Variants in PPP4R1 observed in about 807,000 individuals in gnomAD.
The protein encoded by PPP4R1 is protein phosphatase 4 regulatory subunit 1, also known as serine/threonine-protein phosphatase 4 regulatory subunit 1.
In PPP4R1, 42 loss-of-function variants were observed where a neutral mutation model predicts 111.2. That is an observed-to-expected ratio of 0.38 (90% confidence interval 0.29 to 0.49). The LOEUF (loss-of-function observed/expected upper bound fraction) is 0.49. PPP4R1 is among the 20% of genes least tolerant of loss of function. The probability of loss-of-function intolerance (pLI) is 0.97; values close to 1 mark genes in which losing one functional copy is unlikely to be tolerated. For synonymous variants in PPP4R1, 409 were observed against 405.5 expected, an observed-to-expected ratio of 1.01 and a Z score of -0.10; for missense variants, 1,012 against 1,161.6, an observed-to-expected ratio of 0.87 and a Z score of 1.87.
rs748078048 is a variant in PPP4R1 at position 9,570,144 on chromosome 18, T to C, written c.1573+13A>G. On this transcript the variant is annotated intron_variant, in intron 11 of 19. Transcript: ENST00000400556. The stretch of plus-strand genomic sequence containing the variant: ...ATCAATTTCAGAATAAATAACTTGA[T>C]TGACTTCCATACCTTTAACATCTGG... 8.8e-6 allele frequency: 13 copies of C among 1,483,664 alleles called. No homozygotes were observed. The highest frequency in any genetic ancestry group is 1.5e-5 in the South Asian group (1 of 67,932). The allele number at this position is 1,483,664 out of a possible 1,614,324, so 91.9% of individuals were successfully genotyped here. A position where few individuals can be genotyped will look rare whatever the true frequency, so the allele number is the denominator to read the frequency against.
intron 2 of PPP4R1, among the ~76,000 whole-genome samples, chr18:9,605,909 C>T (rs2067474040): frequency 6.6e-6 from 1 of 152,088 alleles, no homozygotes; most frequent in Non-Finnish European, 1.5e-5. Flanking sequence ...TTCAAAGGTA[C>T]ACCAAAAAAT....
chr18:9,549,233 G>C lies in PPP4R1; in HGVS notation c.2653C>G (p.Leu885Val), dbSNP rs759623127. 1.2e-6 allele frequency: 2 copies of C among 1,613,966 alleles called. No individual in the cohort carries two copies. The highest frequency in any genetic ancestry group is 1.7e-6 in the Non-Finnish European group (2 of 1,179,842). The part of the protein sequence containing the change: ...NDRVPNVRVL[L>V]AKTLRQTLLE... ...AGAGTTTGTCTTAATGTCTTTGCAA[G>C]CAGCACTCGCACGTTAGGAACCCTG... is the stretch of plus-strand genomic sequence containing the variant. The change falls in exon 19 of 20, where the codon CTT becomes GTT. Residue 885 changes from leucine (L) to valine (V), a missense_variant. Transcript: ENST00000400556.
rs370182987 is a variant in PPP4R1, at chr18:9,550,089, T to C, written c.2510A>G (p.Lys837Arg). 8 of 1,614,056 alleles carry C rather than the reference T, an allele frequency of 5.0e-6. No individual in the cohort carries two copies. In the East Asian group the frequency reaches 8.9e-5, roughly 18 times the overall value. The part of the protein sequence containing the change: ...ELVENFGRCP[K>R]WSGRQAFVFV... ...GACAAAGGCTTGCCGACCAGACCAC[T>C]TGGGACATCTGCCAAAGTTCTCCAC... Residue 837 changes from lysine (K) to arginine (R), a missense_variant, in exon 18 of 20, where the codon AAG (lysine) becomes AGG (arginine). By Grantham distance (26) the Lys-to-Arg change is conservative. Around this residue, in one of 2 missense-constraint regions of PPP4R1, gnomAD observed 305 missense variants for 419.5 expected, o/e 0.73. Transcript: ENST00000400556.
At chr18:9,605,878 T>C (rs2145333715) in intron 2 of PPP4R1, among the ~76,000 whole-genome samples, 1 of 152,186 alleles carries the variant, frequency 6.6e-6, no homozygotes, top group East Asian at 1.9e-4. Context: ...AGGCTAAAGG[T>C]CCCAATGACC....
rs1568115808 is a variant in PPP4R1 at position 9,588,817 on chromosome 18, G to A, written c.332C>T (p.Pro111Leu). The stretch of plus-strand genomic sequence containing the variant: ...TTCTTGACAAAACAGTGCGATGTGA[G>A]GCACCTGTTCCATCAGCTCCGCTCT... ...TVRAELMEQV[P>L]HIALFCQENR... Residue 111 changes from proline (P) to leucine (L), a missense_variant, in exon 5 of 20, where the codon CCT becomes CTT. This residue lies in a region of PPP4R1 where 707 missense variants were observed against 742.1 expected (regional missense o/e 0.95). Transcript: ENST00000400556. 6.2e-7 allele frequency: 1 copy of A among 1,614,022 alleles called. No homozygotes were observed. Among genetic ancestry groups the A allele is most frequent in the Non-Finnish European group, 8.5e-7 (1 of 1,179,978 alleles).
intron 9 of PPP4R1, among the ~76,000 whole-genome samples, chr18:9,580,929 G>T (rs1236298515): frequency 6.6e-6 from 1 of 152,180 alleles, no homozygotes. Flanking sequence ...AGAAGCCAAG[G>T]GAACCTCAGG....
intron 8 of PPP4R1, 87 bp from the exon 9 acceptor site, chr18:9,583,362 T>C: frequency 7.8e-7 from 1 of 1,274,776 alleles, no homozygotes; most frequent in South Asian, 1.8e-5. Flanking sequence ...CTTTCACGCT[T>C]CTTTTGTTTG....
intron 15 of PPP4R1, among the ~76,000 whole-genome samples, chr18:9,556,637 T>C (rs1221053091): frequency 6.6e-6 from 1 of 152,260 alleles, no homozygotes; most frequent in African/African-American, 2.4e-5. Context: ...CTATTCACTT[T>C]GGAGACCACA....
intron 2 of PPP4R1, among the ~76,000 whole-genome samples, chr18:9,606,246 T>C (rs908048879): frequency 1.3e-5 from 2 of 152,190 alleles, no homozygotes; most frequent in Admixed American, 6.5e-5. Context: ...TTGGATTTTA[T>C]AGCACAGTGA....
intron 9 of PPP4R1, among the ~76,000 whole-genome samples, chr18:9,580,968 C>T (rs1027379816): frequency 1.3e-5 from 2 of 152,300 alleles, no homozygotes; most frequent in African/African-American, 4.8e-5. Flanking sequence ...CACTAAGCCC[C>T]TGTCATACCA....
chr18:9,610,105 T>C (rs568402015), intron 2 of PPP4R1, among the ~76,000 whole-genome samples: 1 of 152,362 alleles, frequency 6.6e-6, no homozygotes, highest in African/African-American at 2.4e-5. Flanking sequence ...ACTCCTTCAA[T>C]GAAATTATTT....
chr18:9,570,285 G>C lies in PPP4R1; in HGVS notation c.1445C>G (p.Pro482Arg), dbSNP rs1346074104. 12 of 1,612,250 alleles carry C rather than the reference G, an allele frequency of 7.4e-6. No individual in the cohort carries two copies. Among genetic ancestry groups the C allele is most frequent in the Non-Finnish European group, 1.0e-5 (12 of 1,179,344 alleles). ...CTCAGATTCTTCCTCTGGTCCCTCTGGGCTGGGTTTTCCCCCAGAGTTCTG... is the reference window on the plus strand; with the variant it reads ...CTCAGATTCTTCCTCTGGTCCCTCTCGGCTGGGTTTTCCCCCAGAGTTCTG... ...LEQNSGGKPS[P>R]EGPEEESEGP... The change falls in exon 11 of 20, where the codon CCA becomes CGA. Residue 482 changes from proline (P) to arginine (R), a missense_variant. Pro to Arg is a moderately radical substitution (Grantham distance 103). Around this residue, in one of 2 missense-constraint regions of PPP4R1, gnomAD observed 707 missense variants for 742.1 expected, o/e 0.95. Transcript: ENST00000400556.
intron 9 of PPP4R1, among the ~76,000 whole-genome samples, chr18:9,578,162 CA>C (rs1011927231): frequency 7.9e-5 from 12 of 152,262 alleles, no homozygotes; most frequent in African/African-American, 2.6e-4. Flanking sequence ...CACAATCGGA[CA>C]AAGGCAACAA....
At chr18:9,553,178 C>A in intron 16 of PPP4R1, 144 bp downstream of exon 16, 1 of 616,918 alleles carries the variant, frequency 1.6e-6, no homozygotes, top group Non-Finnish European at 2.8e-6. Flanking sequence ...GACAGTAAGA[C>A]ACATATTACA....
chr18:9,555,072 C>T (rs369872086), intron 15 of PPP4R1, among the ~76,000 whole-genome samples: 27 of 152,170 alleles, frequency 1.8e-4, no homozygotes, highest in South Asian at 4.2e-4. Context: ...GAGGCTAAGG[C>T]GGGGCAGATC....
intron 3 of PPP4R1, 195 bp from the exon 4 acceptor site, chr18:9,594,069 A>G (rs1398795785): frequency 2.7e-5 from 13 of 490,510 alleles, no homozygotes; most frequent in Non-Finnish European, 3.3e-5. Flanking sequence ...CTGAGACTAC[A>G]GGCATGCACC....
chr18:9,592,777 A>G (rs1310147319), intron 4 of PPP4R1, among the ~76,000 whole-genome samples: 2 of 152,160 alleles, frequency 1.3e-5, no homozygotes, highest in South Asian at 2.1e-4. Context: ...ATAATAGGCT[A>G]TAACAGTGCC....
intron 18 of PPP4R1, 138 bp downstream of exon 18, chr18:9,549,914 G>GATCCTAT: frequency 7.7e-7 from 1 of 1,295,858 alleles, no homozygotes; most frequent in Non-Finnish European, 1.0e-6. Flanking sequence ...GGGGGCAGAT[G>GATCCTAT]ATCCTATAAA....
At chr18:9,600,971 T>C (rs1180612366) in intron 2 of PPP4R1, among the ~76,000 whole-genome samples, 1 of 152,194 alleles carries the variant, frequency 6.6e-6, no homozygotes, top group Non-Finnish European at 1.5e-5. Context: ...ATGGAGACAT[T>C]AGTACTTCAA....
Sources: gnomAD v4.1 joint callset for allele counts (sites outside exome capture counted in the v4.1 genomes callset) on GRCh38, gnomAD v4.1.1 for gene constraint, gnomAD v4.1.1 regional missense constraint, MANE v1.5 for transcripts, NCBI Gene and HGNC (gene_info 2026-07-23, HGNC 2026-07-21) for gene names.